Variants in OLFM3 observed in about 807,000 individuals in gnomAD.
OLFM3 encodes olfactomedin 3, also known as noelin-3.
In OLFM3, 20 loss-of-function variants were observed where a neutral mutation model predicts 48.6. The ratio of observed to expected loss-of-function variants is 0.41; its 90% CI spans 0.29 to 0.60. OLFM3 has a LOEUF of 0.60. Ranked by LOEUF, OLFM3 falls within the 20% of genes least tolerant of loss-of-function variation. The pLI is 0.28. For synonymous variants in OLFM3, 222 were observed against 198.1 expected (o/e 1.12, Z -1.01); for missense variants, 437 against 544.3 (o/e 0.80, Z 1.96).
Position 101,968,533 on chromosome 1 carries a change from GAAA to G in OLFM3, c.69+28212_69+28214del, listed in dbSNP as rs3082438. ...AAAGAACTTCCTCTCTTTTTGTTCT[GAAA>G]AAAAAAAAAAAAAAAGGCATTAGTA... On this transcript the variant is annotated intron_variant, in intron 1 of 5. Coordinates refer to ENST00000370103, the MANE Select transcript of OLFM3 (RefSeq NM_058170.4). 3.5e-3 allele frequency among the ~76,000 whole-genome samples: 412 copies of G among 118,506 alleles called. 6 individuals carry two copies. Among genetic ancestry groups the G allele is most frequent in the African/African-American group, 9.1e-3 (279 of 30,560 alleles). 77.7% of individuals were successfully genotyped at this position (118,506 alleles called of 152,430 possible). A position where few individuals can be genotyped will look rare whatever the true frequency, so the allele number is the denominator to read the frequency against.
At chr1:101,947,549 G>C (rs764746370) in intron 1 of OLFM3, among the ~76,000 whole-genome samples, 1 of 152,122 alleles carries the variant, frequency 6.6e-6, no homozygotes. Flanking sequence ...AGGGAGGATT[G>C]GTTGGGGCTG....
intron 1 of OLFM3, among the ~76,000 whole-genome samples, chr1:101,879,441 C>T (rs747231514): frequency 6.6e-6 from 1 of 151,742 alleles, no homozygotes; most frequent in African/African-American, 2.4e-5. Flanking sequence ...TTATTTGATG[C>T]TGGGCTCTAT....
At chr1:101,955,387 T>A (rs148947563) in intron 1 of OLFM3, among the ~76,000 whole-genome samples, 1 of 152,004 alleles carries the variant, frequency 6.6e-6, no homozygotes, top group Admixed American at 6.6e-5. Context: ...TAATGAATTG[T>A]CAAGCCTACT....
At chr1:101,862,430 T>C (rs920844372) in intron 1 of OLFM3, among the ~76,000 whole-genome samples, 1 of 152,202 alleles carries the variant, frequency 6.6e-6, no homozygotes, top group Non-Finnish European at 1.5e-5. Flanking sequence ...ACAGTGCTTA[T>C]CTTATAAGCA....
At chr1:101,970,511 C>G (rs1660752027) in intron 1 of OLFM3, among the ~76,000 whole-genome samples, 1 of 152,130 alleles carries the variant, frequency 6.6e-6, no homozygotes, top group South Asian at 2.1e-4. Context: ...AATCTTTTCC[C>G]CCTTCTTTCC....
rs1570592116 is a variant in OLFM3 at position 101,881,746 on chromosome 1, T to G, written c.70-44721A>C. On this transcript the variant is annotated intron_variant, in intron 1 of 5. Coordinates refer to ENST00000370103, the MANE Select transcript of OLFM3 (RefSeq NM_058170.4). ...CAGTCTTTGAGGCGAATTACAAAAG[T>G]CCAGCCACTGTCATCCTCCTGAGTT... Among the ~76,000 whole-genome samples the G allele has an allele frequency of 2.0e-5, 3 of 151,822 alleles. No homozygotes were observed. The South Asian group carries it at 6.2e-4, about 32-fold the overall frequency.
At chr1:101,958,947 T>C (rs1001928127) in intron 1 of OLFM3, among the ~76,000 whole-genome samples, 10 of 151,824 alleles carry the variant, frequency 6.6e-5, no homozygotes, top group Non-Finnish European at 1.3e-4. Context: ...AATTTTCAAG[T>C]ATACATTATT....
At chr1:101,965,546 C>T (rs1419885495) in intron 1 of OLFM3, among the ~76,000 whole-genome samples, 1 of 152,120 alleles carries the variant, frequency 6.6e-6, no homozygotes, top group Non-Finnish European at 1.5e-5. Context: ...AACGTACAAG[C>T]CCAGATGTCC....
intron 4 of OLFM3, among the ~76,000 whole-genome samples, chr1:101,806,869 CAAAA>C (rs1027200370): frequency 6.6e-6 from 1 of 151,654 alleles, no homozygotes; most frequent in Non-Finnish European, 1.5e-5. Context: ...TAATACGTGA[CAAAA>C]AGACTTTAAT....
chr1:101,962,951 GGTGTTCAGTTAATTGAAGC>G (rs1557748431), intron 1 of OLFM3, among the ~76,000 whole-genome samples: 1 of 152,154 alleles, frequency 6.6e-6, no homozygotes, highest in Non-Finnish European at 1.5e-5. Context: ...AACCCTATGT[GGTGTTCAGTTAATTGAAGC>G]TAACCATTTC....
intron 1 of OLFM3, among the ~76,000 whole-genome samples, chr1:101,996,281 A>C (rs1022812844): frequency 8.5e-5 from 13 of 152,158 alleles, no homozygotes; most frequent in Admixed American, 3.3e-4. Context: ...AATGTTTTGG[A>C]CACAAACCGC....
intron 1 of OLFM3, among the ~76,000 whole-genome samples, chr1:101,859,215 C>T (rs370272971): frequency 5.6e-4 from 85 of 152,164 alleles, no homozygotes; most frequent in South Asian, 2.7e-3. Flanking sequence ...TTAAACATTG[C>T]TACCACTATG....
At position 101,959,206 on chromosome 1, in the gene OLFM3, A is replaced by G. The variant is rs554445938; in HGVS notation, c.69+37542T>C. ...CATTTATACTGCATCCTAGTTTTCA[A>G]TATTACAGAATAATGTTTTATTGTT... On this transcript the variant is annotated intron_variant, in intron 1 of 5. Coordinates refer to ENST00000370103, the MANE Select transcript of OLFM3 (RefSeq NM_058170.4). 3.9e-5 allele frequency among the ~76,000 whole-genome samples: 6 copies of G among 152,226 alleles called. No homozygotes were observed. The East Asian group carries it at 1.2e-3, about 29-fold the overall frequency.
chr1:101,991,476 G>A (rs1661410264), intron 1 of OLFM3, among the ~76,000 whole-genome samples: 1 of 151,910 alleles, frequency 6.6e-6, no homozygotes, highest in African/African-American at 2.4e-5. Context: ...TACAAAAATT[G>A]AAGCTTTAAA....
chr1:101,984,723 C>A (rs1661190097), intron 1 of OLFM3, among the ~76,000 whole-genome samples: 1 of 152,146 alleles, frequency 6.6e-6, no homozygotes, highest in Non-Finnish European at 1.5e-5. Context: ...TCTATATTAT[C>A]TATCTTCTTT....
intron 1 of OLFM3, among the ~76,000 whole-genome samples, chr1:101,970,140 C>G (rs1660740075): frequency 6.6e-6 from 1 of 152,040 alleles, no homozygotes; most frequent in Non-Finnish European, 1.5e-5. Flanking sequence ...CTCAGCCTCC[C>G]TAGTAACTGG....
intron 1 of OLFM3, among the ~76,000 whole-genome samples, chr1:101,985,354 G>T (rs2101114010): frequency 6.6e-6 from 1 of 152,234 alleles, no homozygotes; most frequent in South Asian, 2.1e-4. Flanking sequence ...TCTTTGGAAG[G>T]ATATTATTTT....
At chr1:101,986,538 C>G (rs1661247745) in intron 1 of OLFM3, among the ~76,000 whole-genome samples, 1 of 152,164 alleles carries the variant, frequency 6.6e-6, no homozygotes, top group South Asian at 2.1e-4. Flanking sequence ...TATGATTTCT[C>G]TTTTCCTTAA....
At chr1:101,807,710 A>C (rs1653845854) in intron 4 of OLFM3, among the ~76,000 whole-genome samples, 1 of 151,714 alleles carries the variant, frequency 6.6e-6, no homozygotes, top group Admixed American at 6.6e-5. Context: ...AATCGAATAT[A>C]TTTTTCCCTT....
Sources: gnomAD v4.1 joint callset for allele counts (sites outside exome capture counted in the v4.1 genomes callset) on GRCh38, gnomAD v4.1.1 for gene constraint, MANE v1.5 for transcripts, NCBI Gene and HGNC (gene_info 2026-07-23, HGNC 2026-07-21) for gene names.